TIMM44: variants seen among roughly 807,000 people sequenced by gnomAD.
The protein encoded by TIMM44 is mitochondrial import inner membrane translocase subunit TIM44.
In TIMM44, 37 loss-of-function variants were observed where a neutral mutation model predicts 63.8. That is an observed-to-expected ratio of 0.58 (90% CI 0.45 to 0.76). The LOEUF is 0.76. Ranked by LOEUF, TIMM44 falls within the 30% of genes least tolerant of loss-of-function variation. The pLI is 0.00. For synonymous variants in TIMM44, 239 were observed against 245.1 expected (o/e 0.98, Z 0.23); for missense variants, 573 against 603.8 (o/e 0.95, Z 0.54).
At position 7,933,498 on chromosome 19, in the gene TIMM44, G is replaced by A. The variant is rs1342501672; in HGVS notation, c.756C>T (p.Asn252=). ...YQQWKDFKEN[N]VVFNRFFEMK... Reference sequence around the variant, plus strand: ...ACCTTCACTCACGGTTAAACACCACGTTGTTCTCCTTGAAGTCCTTCCACT... The same window carrying A: ...ACCTTCACTCACGGTTAAACACCACATTGTTCTCCTTGAAGTCCTTCCACT... The change falls in exon 7 of 13, where the codon AAC becomes AAT. Residue 252 remains asparagine (N), a synonymous_variant. Coordinates refer to ENST00000270538, the MANE Select transcript of TIMM44 (RefSeq NM_006351.4). This position sits in a 1 kb window ranked among gnomAD's most constrained non-coding sequence, Gnocchi z 4.3. 4.3e-6 allele frequency: 7 copies of A among 1,613,968 alleles called. No individual in the cohort carries two copies. The highest frequency in any genetic ancestry group is 1.7e-5 in the Admixed American group (1 of 60,008).
rs1016305390 is a variant in TIMM44 at position 7,934,791 on chromosome 19, T to G, written c.393+274A>C. Reference sequence around the variant, plus strand: ...GAAGCGGCCCCTCTCCTCCTATTTTTAGGCAGGAAAAACATTTTCATGTTC... The same window carrying G: ...GAAGCGGCCCCTCTCCTCCTATTTTGAGGCAGGAAAAACATTTTCATGTTC... On this transcript the variant is annotated intron_variant, in intron 4 of 12. Coordinates refer to ENST00000270538, the MANE Select transcript of TIMM44 (RefSeq NM_006351.4). This position sits in a 1 kb window ranked among gnomAD's most constrained non-coding sequence, Gnocchi z 5.3. Among the ~76,000 whole-genome samples, 6 of 152,272 alleles carry G rather than the reference T, an allele frequency of 3.9e-5. No homozygotes were observed. Among genetic ancestry groups the G allele is most frequent in the African/African-American group, 1.4e-4 (6 of 41,558 alleles).
rs765203390 is a variant in TIMM44, at chr19:7,933,494, C to T, written c.760G>A (p.Val254Met). Reference sequence around the variant, plus strand: ...AGACACCTTCACTCACGGTTAAACACCACGTTGTTCTCCTTGAAGTCCTTC... The same window carrying T: ...AGACACCTTCACTCACGGTTAAACATCACGTTGTTCTCCTTGAAGTCCTTC... ...QWKDFKENNV[V>M]FNRFFEMKMK... Residue 254 changes from valine (V) to methionine (M), a missense_variant, in exon 7 of 13, where the codon GTG becomes ATG. By Grantham distance (21) the Val-to-Met change is conservative (BLOSUM62 1). Transcript: ENST00000270538. This position sits in a 1 kb window ranked among gnomAD's most constrained non-coding sequence, Gnocchi z 4.3. 2 of 1,614,126 alleles carry T rather than the reference C, an allele frequency of 1.2e-6. No individual in the cohort carries two copies. The highest frequency in any genetic ancestry group is 1.7e-6 in the Non-Finnish European group (2 of 1,180,000).
rs958643150 is a variant in TIMM44 at position 7,934,661 on chromosome 19, G to A, written c.393+404C>T. 6.6e-6 allele frequency among the ~76,000 whole-genome samples: 1 copy of A among 152,182 alleles called. No homozygotes were observed. Among genetic ancestry groups the A allele is most frequent in the South Asian group, 2.1e-4 (1 of 4,834 alleles). ...GAGGGGACCCCGGGGAAAGAACGGCGGTGAGGGCGCCCCATGCTGCGCAAA... is the reference window on the plus strand; with the variant it reads ...GAGGGGACCCCGGGGAAAGAACGGCAGTGAGGGCGCCCCATGCTGCGCAAA... On this transcript the variant is annotated intron_variant, in intron 4 of 12. Coordinates refer to ENST00000270538, the MANE Select transcript of TIMM44 (RefSeq NM_006351.4). The surrounding 1 kb of genome is among the most constrained non-coding windows in gnomAD (Gnocchi z 5.3).
intron 1 of TIMM44, among the ~76,000 whole-genome samples, chr19:7,942,638 T>A (rs1411756978): frequency 6.6e-6 from 1 of 151,058 alleles, no homozygotes; most frequent in Non-Finnish European, 1.5e-5. Context: ...GTGCCTACTA[T>A]CTCCTGTATT....
Position 7,933,673 on chromosome 19 carries a change from G to C in TIMM44, c.684-103C>G, listed in dbSNP as rs1984052466. Reference sequence around the variant, plus strand: ...GCAGTACAGGACAGCAGGCAGCTGAGACCTCAAACCTAGGGGCTCTGAGGA... The same window carrying C: ...GCAGTACAGGACAGCAGGCAGCTGACACCTCAAACCTAGGGGCTCTGAGGA... On this transcript the variant is annotated intron_variant, in intron 6 of 12. Transcript: ENST00000270538. The surrounding 1 kb of genome is among the most constrained non-coding windows in gnomAD (Gnocchi z 4.3). 5.4e-6 allele frequency: 7 copies of C among 1,305,928 alleles called. No homozygotes were observed. Among genetic ancestry groups the C allele is most frequent in the Non-Finnish European group, 1.1e-6 (1 of 905,338 alleles). 80.9% of individuals were successfully genotyped at this position (1,305,928 alleles called of 1,614,324 possible).
At position 7,943,260 on chromosome 19, in the gene TIMM44, A is replaced by C. The variant is rs566385401; in HGVS notation, c.45+347T>G. ...ACTTGGCATTTAACCGCGAGCTGTGAATTTCACGTTTTTTTGCCTTCCCCT... is the reference window on the plus strand; with the variant it reads ...ACTTGGCATTTAACCGCGAGCTGTGCATTTCACGTTTTTTTGCCTTCCCCT... On this transcript the variant is annotated intron_variant, in intron 1 of 12. Transcript: ENST00000270538. The surrounding 1 kb of genome is among the most constrained non-coding windows in gnomAD (Gnocchi z 4.3). 6.6e-6 allele frequency among the ~76,000 whole-genome samples: 1 copy of C among 152,158 alleles called. No individual in the cohort carries two copies. The highest frequency in any genetic ancestry group is 2.1e-4 in the South Asian group (1 of 4,822).
chr19:7,942,497 G>A (rs1206577593), intron 1 of TIMM44, among the ~76,000 whole-genome samples: 1 of 151,500 alleles, frequency 6.6e-6, no homozygotes, highest in African/African-American at 2.4e-5. Context: ...ACCCAGCACA[G>A]AACCTGGCGT....
Position 7,938,026 on chromosome 19 carries a change from C to T in TIMM44, c.312+1G>A, listed in dbSNP as rs1295373884. ...GAAAAAAAAGCAGCAAAGAAACTCA[C>T]GTATTTCCTTCTGGCCTCCTGGAGC... On this transcript the variant is annotated splice_donor_variant, in intron 3 of 12. Coordinates refer to ENST00000270538, the MANE Select transcript of TIMM44 (RefSeq NM_006351.4). LOFTEE classifies it high-confidence loss of function. The T allele has an allele frequency of 1.2e-6, 2 of 1,613,866 alleles. No homozygotes were observed. Among genetic ancestry groups the T allele is most frequent in the Non-Finnish European group, 1.7e-6 (2 of 1,179,942 alleles).
chr19:7,927,525 A>G, intron 12 of TIMM44, 132 bp downstream of exon 12: 1 of 1,118,826 alleles, frequency 8.9e-7, no homozygotes. Flanking sequence ...ACTCTGGCCC[A>G]GAGGTTTCTC....
At position 7,927,039 on chromosome 19, in the gene TIMM44, C is replaced by G; in HGVS notation, c.*148G>C. 8.2e-7 allele frequency: 1 copy of G among 1,224,434 alleles called. No individual in the cohort carries two copies. The highest frequency in any genetic ancestry group is 1.1e-6 in the Non-Finnish European group (1 of 874,284). 75.8% of individuals were successfully genotyped at this position (1,224,434 alleles called of 1,614,324 possible). A position where few individuals can be genotyped will look rare whatever the true frequency, so the allele number is the denominator to read the frequency against. ...CCCGCAACAGCCCGTTGTCCCCTCC[C>G]GGGCCAGCTGGTCTTGCAGCCGTCC... On this transcript the variant is annotated 3_prime_UTR_variant, in exon 13 of 13. Transcript: ENST00000270538.
rs755896129 is a variant in TIMM44 at position 7,934,031 on chromosome 19, G to A, written c.544-28C>T. ...GCGAGGGAGGCACAGCGGGGCTGGG[G>A]TGGGTGTCTGGGTTCGGCCGCCCCA... On this transcript the variant is annotated intron_variant, in intron 5 of 12. Coordinates refer to ENST00000270538, the MANE Select transcript of TIMM44 (RefSeq NM_006351.4). The surrounding 1 kb of genome is among the most constrained non-coding windows in gnomAD (Gnocchi z 5.3). 1.1e-5 allele frequency: 17 copies of A among 1,613,564 alleles called. No individual in the cohort carries two copies. In the South Asian group the frequency reaches 1.2e-4, roughly 11 times the overall value.
Position 7,935,124 on chromosome 19 carries a change from CG to C in TIMM44, c.333del (p.Val112CysfsTer14). ...TTCCGTAGCACCTCGCTCGTCCGCA[CG>C]GTTTCTGACTCGATGGTTTTCTAGG... ...RRKYKTIESE[T>X]VRTSEVLRKK... On this transcript the variant is annotated frameshift_variant, in exon 4 of 13. Transcript: ENST00000270538. LOFTEE classifies it high-confidence loss of function. The C allele has an allele frequency of 1.2e-6, 2 of 1,610,920 alleles. No homozygotes were observed. Among genetic ancestry groups the C allele is most frequent in the Non-Finnish European group, 1.7e-6 (2 of 1,178,180 alleles).
chr19:7,930,999 G>T, intron 10 of TIMM44, 139 bp downstream of exon 10: 1 of 721,738 alleles, frequency 1.4e-6, no homozygotes, highest in Non-Finnish European at 2.4e-6. Flanking sequence ...CTCGGAGGGT[G>T]AGACGTGAGG....
Position 7,938,054 on chromosome 19 carries a change from G to A in TIMM44, c.285C>T (p.Asp95=), listed in dbSNP as rs753176063. The change falls in exon 3 of 13, where the codon GAC becomes GAT. Residue 95 remains aspartate, a synonymous_variant. Transcript: ENST00000270538. Reference sequence around the variant, plus strand: ...ATTTCCTTCTGGCCTCCTGGAGCACGTCTGATTCTTCTAGCCTTCTGGCCT... The same window carrying A: ...ATTTCCTTCTGGCCTCCTGGAGCACATCTGATTCTTCTAGCCTTCTGGCCT... ...RDEARRLEES[D]VLQEARRKYK... is the part of the protein sequence containing the mutation. 5.6e-6 allele frequency: 9 copies of A among 1,613,940 alleles called. No individual in the cohort carries two copies. In the African/African-American group the frequency reaches 6.7e-5, roughly 12 times the overall value.
At position 7,926,944 on chromosome 19, in the gene TIMM44, G is replaced by C; in HGVS notation, c.*243C>G. ...TGTGCACCCCAGGTGACCAGGCGCC[G>C]GGACCCCTGCAGGGCAGAGCAACAG... is the stretch of plus-strand genomic sequence containing the variant. On this transcript the variant is annotated 3_prime_UTR_variant, in exon 13 of 13. Coordinates refer to ENST00000270538, the MANE Select transcript of TIMM44 (RefSeq NM_006351.4). The C allele has an allele frequency of 3.8e-6, 2 of 527,066 alleles. No individual in the cohort carries two copies. The highest frequency in any genetic ancestry group is 6.8e-6 in the Non-Finnish European group (2 of 293,652). 32.6% of individuals were successfully genotyped at this position (527,066 alleles called of 1,614,324 possible).
chr19:7,938,528 TG>T (rs1175252805), intron 2 of TIMM44, among the ~76,000 whole-genome samples: 6 of 152,212 alleles, frequency 3.9e-5, no homozygotes, highest in Admixed American at 1.3e-4. Context: ...AAAAACAGGC[TG>T]GGCGCGGTGG....
In TIMM44 at chr19:7,933,026, G is replaced by A; in HGVS notation, c.770-94C>T. The A allele has an allele frequency of 2.0e-6, 2 of 1,006,954 alleles. No homozygotes were observed. Among genetic ancestry groups the A allele is most frequent in the Non-Finnish European group, 3.1e-6 (2 of 650,780 alleles). The allele number at this position is 1,006,954 out of a possible 1,614,324, so 62.4% of individuals were successfully genotyped here. ...TAGAGGCTCCCTGTGACCCCTGCGG[G>A]ATCCACCCTGACACGGGTGGGGTCA... On this transcript the variant is annotated intron_variant, in intron 7 of 12. Transcript: ENST00000270538. The surrounding 1 kb of genome is among the most constrained non-coding windows in gnomAD (Gnocchi z 4.3).
intron 2 of TIMM44, among the ~76,000 whole-genome samples, chr19:7,939,686 T>C (rs914893673): frequency 4.9e-5 from 7 of 143,022 alleles, no homozygotes; most frequent in Admixed American, 2.1e-4. Flanking sequence ...GAGACCGAGG[T>C]GGGCGGATCA....
intron 3 of TIMM44, among the ~76,000 whole-genome samples, chr19:7,936,964 T>C (rs1420175519): frequency 6.6e-6 from 1 of 151,898 alleles, no homozygotes; most frequent in Non-Finnish European, 1.5e-5. Context: ...AGCTGGGCAG[T>C]AGTGGTGTGT....
Sources: allele counts gnomAD v4.1 joint callset (sites outside exome capture counted in the v4.1 genomes callset), GRCh38; gene constraint gnomAD v4.1.1; non-coding constraint Gnocchi (gnomAD v3.1); transcripts MANE v1.5; gene names NCBI Gene and HGNC (gene_info 2026-07-23, HGNC 2026-07-21).